CNTNAP2: variants seen among roughly 807,000 people sequenced by gnomAD.
CNTNAP2 encodes the protein contactin-associated protein-like 2.
In CNTNAP2, 98 loss-of-function variants were observed where a neutral mutation model predicts 155.2. That is an observed-to-expected ratio of 0.63 (90% confidence interval 0.54 to 0.75). The LOEUF is 0.75. CNTNAP2 is among the 30% of genes least tolerant of loss of function. The pLI, the probability that CNTNAP2 is intolerant of heterozygous loss-of-function variation, is 0.00. For missense variants in CNTNAP2, 1,727 were observed against 1,688.1 expected (o/e 1.02, Z -0.40); for synonymous variants, 651 against 631.2 (o/e 1.03, Z -0.47).
chr7:148,349,455 G>A (rs1422413831), intron 21 of CNTNAP2, among the ~76,000 whole-genome samples: 1 of 143,566 alleles, frequency 7.0e-6, no homozygotes, highest in African/African-American at 2.6e-5. Flanking sequence ...GGGCTGGAGT[G>A]CAGTGGCGCT....
At position 146,863,465 on chromosome 7, in the gene CNTNAP2, T is replaced by C. The variant is rs553248740; in HGVS notation, c.402+23561T>C. Among the ~76,000 whole-genome samples the C allele has an allele frequency of 3.6e-3, 554 of 152,224 alleles. 3 individuals are homozygous for C. The highest frequency in any genetic ancestry group is 6.5e-3 in the Non-Finnish European group (443 of 67,966). The stretch of plus-strand genomic sequence containing the variant: ...TGCTTTAATTATAACATTAGTCAAA[T>C]GTCCACATGGTATTTCCACAGTTAA... On this transcript the variant is annotated intron_variant, in intron 3 of 23. Transcript: ENST00000361727.
At chr7:147,940,553 A>C (rs1800701188) in intron 14 of CNTNAP2, among the ~76,000 whole-genome samples, 1 of 152,142 alleles carries the variant, frequency 6.6e-6, no homozygotes. Flanking sequence ...TTTATTTTTG[A>C]GACACAGTCT....
intron 3 of CNTNAP2, among the ~76,000 whole-genome samples, chr7:147,037,581 C>A (rs1443281807): frequency 1.3e-5 from 2 of 151,680 alleles, no homozygotes; most frequent in Non-Finnish European, 2.9e-5. Context: ...CCTGCCTCAG[C>A]CTCCTGAGTA....
chr7:148,095,234 A>G (rs931333010), intron 15 of CNTNAP2, among the ~76,000 whole-genome samples: 1 of 152,242 alleles, frequency 6.6e-6, no homozygotes, highest in East Asian at 1.9e-4. Context: ...GTCGTTCTGC[A>G]TCAATGCTGA....
At chr7:147,657,813 C>G (rs1399901166) in intron 13 of CNTNAP2, among the ~76,000 whole-genome samples, 1 of 152,188 alleles carries the variant, frequency 6.6e-6, no homozygotes, top group African/African-American at 2.4e-5. Context: ...GAGATTTTAT[C>G]TGAAGCAACT....
intron 8 of CNTNAP2, among the ~76,000 whole-genome samples, chr7:147,271,199 T>A (rs569850325): frequency 5.5e-4 from 83 of 151,220 alleles, no homozygotes; most frequent in Non-Finnish European, 1.1e-3. Flanking sequence ...AGCTGCTAAG[T>A]AAGTTGATAT....
intron 8 of CNTNAP2, among the ~76,000 whole-genome samples, chr7:147,260,777 G>A (rs1804446394): frequency 6.6e-6 from 1 of 152,178 alleles, no homozygotes; most frequent in African/African-American, 2.4e-5. Flanking sequence ...ACTCACCTGT[G>A]TGAAAGGATA....
chr7:148,066,139 T>C (rs1803255304), intron 15 of CNTNAP2, among the ~76,000 whole-genome samples: 1 of 152,244 alleles, frequency 6.6e-6, no homozygotes, highest in Non-Finnish European at 1.5e-5. Context: ...GTAGGGTTTC[T>C]GCCGAGAAAT....
intron 13 of CNTNAP2, among the ~76,000 whole-genome samples, chr7:147,729,861 A>G (rs956567267): frequency 6.6e-5 from 10 of 152,112 alleles, no homozygotes; most frequent in African/African-American, 2.4e-4. Context: ...GGAAAAGATG[A>G]GAGAAAAAAG....
At position 147,873,174 on chromosome 7, in the gene CNTNAP2, G is replaced by A. The variant is rs560448232; in HGVS notation, c.2099-30391G>A. On this transcript the variant is annotated intron_variant, in intron 13 of 23. Coordinates refer to ENST00000361727, the MANE Select transcript of CNTNAP2 (RefSeq NM_014141.6). ...AAACTAAAATTAGTAACACTAACTGGACTCCTTACCACTAAGGAGCTCTAA... is the reference window on the plus strand; with the variant it reads ...AAACTAAAATTAGTAACACTAACTGAACTCCTTACCACTAAGGAGCTCTAA... 4.6e-5 allele frequency among the ~76,000 whole-genome samples: 7 copies of A among 152,220 alleles called. No individual in the cohort carries two copies. The South Asian group carries it at 1.5e-3, about 32-fold the overall frequency.
intron 13 of CNTNAP2, among the ~76,000 whole-genome samples, chr7:147,690,882 G>A (rs1349108543): frequency 6.6e-6 from 1 of 151,934 alleles, no homozygotes; most frequent in East Asian, 1.9e-4. Context: ...TGTAATTATT[G>A]CTTATTATAC....
chr7:147,087,635 C>T (rs1248601368), intron 4 of CNTNAP2, among the ~76,000 whole-genome samples: 1 of 152,082 alleles, frequency 6.6e-6, no homozygotes, highest in Non-Finnish European at 1.5e-5. Context: ...CATTTCCACC[C>T]AAAGTGGGGG....
At chr7:146,319,042 A>T (rs1800956840) in intron 1 of CNTNAP2, among the ~76,000 whole-genome samples, 1 of 151,952 alleles carries the variant, frequency 6.6e-6, no homozygotes, top group African/African-American at 2.4e-5. Context: ...CAGATCCAAC[A>T]TGTCTTAGGG....
intron 3 of CNTNAP2, among the ~76,000 whole-genome samples, chr7:147,025,467 A>G (rs1265215800): frequency 1.9e-3 from 13 of 6,882 alleles, no homozygotes; most frequent in Middle Eastern, 0.083. Flanking sequence ...GGAGGGGAGG[A>G]GGGGGAGGGG....
intron 1 of CNTNAP2, among the ~76,000 whole-genome samples, chr7:146,576,329 C>G (rs1338377150): frequency 6.6e-6 from 1 of 152,178 alleles, no homozygotes; most frequent in South Asian, 2.1e-4. Context: ...TCCCAACCAG[C>G]TTACATCTTC....
intron 13 of CNTNAP2, among the ~76,000 whole-genome samples, chr7:147,822,625 T>G (rs754150271): frequency 4.6e-5 from 7 of 152,140 alleles, no homozygotes; most frequent in Non-Finnish European, 7.4e-5. Flanking sequence ...TTTACCCACC[T>G]CAGCTGTGTT....
rs1005135009 is a variant in CNTNAP2 at position 147,671,323 on chromosome 7, C to A, written c.2098+32017C>A. On this transcript the variant is annotated intron_variant, in intron 13 of 23. Coordinates refer to ENST00000361727, the MANE Select transcript of CNTNAP2 (RefSeq NM_014141.6). ...TGGAGCTAGTGCTTTGTAAAGTGCA[C>A]TGACAATAACAAAGTGTAGAGGAGG... is the stretch of plus-strand genomic sequence containing the variant. Among the ~76,000 whole-genome samples, 5 of 152,196 alleles carry A rather than the reference C, an allele frequency of 3.3e-5. 1 individual carries two copies. The highest frequency in any genetic ancestry group is 3.3e-4 in the Admixed American group (5 of 15,280).
intron 10 of CNTNAP2, among the ~76,000 whole-genome samples, chr7:147,411,923 G>C (rs1032592262): frequency 2.0e-5 from 3 of 151,968 alleles, no homozygotes; most frequent in Non-Finnish European, 4.4e-5. Context: ...AAAAGTGCAT[G>C]CTTCCAGAAA....
chr7:146,770,605 C>G (rs952037549), intron 1 of CNTNAP2, among the ~76,000 whole-genome samples: 6 of 151,574 alleles, frequency 4.0e-5, no homozygotes, highest in African/African-American at 1.5e-4. Context: ...CAATTTAATT[C>G]TAATTATTGT....
Sources: allele counts gnomAD v4.1 joint callset (sites outside exome capture counted in the v4.1 genomes callset), GRCh38; gene constraint gnomAD v4.1.1; transcripts MANE v1.5; gene names NCBI Gene and HGNC (gene_info 2026-07-23, HGNC 2026-07-21).